The following PSMA6 variants were observed in gnomAD, a reference collection of about 807,000 sequenced individuals.
The protein encoded by PSMA6 is proteasome 20S subunit alpha 6, also known as proteasome subunit alpha type-6.
For synonymous variants in PSMA6, 88 were observed against 97.7 expected (o/e 0.90, Z 0.59); for missense variants, 170 against 294.8 (o/e 0.58, Z 3.10).
intron 1 of PSMA6, among the ~76,000 whole-genome samples, chr14:35,298,107 ATACT>A (rs2051634258): frequency 1.3e-5 from 2 of 152,190 alleles, no homozygotes; most frequent in South Asian, 2.1e-4. Flanking sequence ...GTTCAATCTA[ATACT>A]TAGGTATTTT....
upstream of PSMA6, among the ~76,000 whole-genome samples, chr14:35,291,055 G>A (rs1330044780): frequency 6.6e-6 from 1 of 151,202 alleles, no homozygotes; most frequent in Non-Finnish European, 1.5e-5. Context: ...GCAGTGGCGT[G>A]ATCATAGCTC....
upstream of PSMA6, among the ~76,000 whole-genome samples, chr14:35,291,945 G>C (rs377045928): frequency 2.0e-5 from 3 of 151,948 alleles, no homozygotes; most frequent in African/African-American, 7.2e-5. Context: ...GCTTCCTTCA[G>C]TGCCTAAATT....
chr14:35,281,075 G>T (rs2051361457), intron 1 of PSMA6, among the ~76,000 whole-genome samples: 1 of 152,116 alleles, frequency 6.6e-6, no homozygotes, highest in African/African-American at 2.4e-5. Flanking sequence ...CACCCAGGAA[G>T]CCTCTATTGA....
chr14:35,284,156 A>G (rs540240713), intron 1 of PSMA6, among the ~76,000 whole-genome samples: 17 of 152,176 alleles, frequency 1.1e-4, no homozygotes, highest in African/African-American at 4.1e-4. Flanking sequence ...TTTCATTTGT[A>G]CCCTAATCCA....
At chr14:35,286,718 G>A (rs1201618039) in intron 1 of PSMA6, among the ~76,000 whole-genome samples, 1 of 152,128 alleles carries the variant, frequency 6.6e-6, no homozygotes, top group African/African-American at 2.4e-5. Flanking sequence ...TTATTCTGGG[G>A]AATGGCTGAG....
intron 4 of PSMA6, 99 bp downstream of exon 4, chr14:35,310,994 G>C: frequency 8.1e-7 from 1 of 1,233,574 alleles, no homozygotes; most frequent in Non-Finnish European, 1.1e-6. Context: ...TTCTGAACAT[G>C]TGGTTTGGAA....
Position 35,285,339 on chromosome 14 carries a change from C to CAAAAAAAAAAAAAAA in PSMA6, c.19+6629_19+6630insAAAAAAAAAAAAAAA, listed in dbSNP as rs758651038. 2.6e-4 allele frequency among the ~76,000 whole-genome samples: 14 copies of CAAAAAAAAAAAAAAA among 54,540 alleles called. 1 individual carries two copies. Among genetic ancestry groups the CAAAAAAAAAAAAAAA allele is most frequent in the African/African-American group, 6.7e-4 (14 of 20,808 alleles). The allele number at this position is 54,540 out of a possible 152,430, so 35.8% of individuals were successfully genotyped here. A position where few individuals can be genotyped will look rare whatever the true frequency, so the allele number is the denominator to read the frequency against. ...AGAGTGACAGAGCAAAACTCTATCTCAAAAAAAACAAAAAACAAAAAAAAA... is the reference window on the plus strand; with the variant it reads ...AGAGTGACAGAGCAAAACTCTATCTCAAAAAAAAAAAAAAAAAAAAAAACAAAAAACAAAAAAAAA... On this transcript the variant is annotated intron_variant, in intron 1 of 6. Coordinates refer to the PSMA6 transcript ENST00000540871.
chr14:35,298,546 T>C (rs2051644164), intron 1 of PSMA6, among the ~76,000 whole-genome samples: 1 of 152,010 alleles, frequency 6.6e-6, no homozygotes, highest in Non-Finnish European at 1.5e-5. Context: ...TTGCATAATC[T>C]TGGACATTCA....
At position 35,297,119 on chromosome 14, in the gene PSMA6, G is replaced by GTTTTT. The variant is rs924383407; in HGVS notation, c.76+4590_76+4594dup. The stretch of plus-strand genomic sequence containing the variant: ...GTAGCTTCAAAAAAATCTTAACAAA[G>GTTTTT]TTTTTTTTTTTTTTTTTTTTTTTTT... On this transcript the variant is annotated intron_variant, in intron 1 of 6. Coordinates refer to ENST00000261479, the MANE Select transcript of PSMA6 (RefSeq NM_002791.3). Among the ~76,000 whole-genome samples the GTTTTT allele has an allele frequency of 2.6e-4, 16 of 62,654 alleles. 1 individual carries two copies. Among genetic ancestry groups the GTTTTT allele is most frequent in the Non-Finnish European group, 2.9e-4 (10 of 34,282 alleles). 41.1% of individuals were successfully genotyped at this position (62,654 alleles called of 152,430 possible).
At chr14:35,314,214 T>A (rs1229242527) in intron 5 of PSMA6, 147 bp from the exon 6 acceptor site, 1 of 912,148 alleles carries the variant, frequency 1.1e-6, no homozygotes, top group African/African-American at 1.7e-5. Flanking sequence ...GGCAATACAT[T>A]AGAGTTAAGC....
At chr14:35,283,333 C>T (rs1248908452) in intron 1 of PSMA6, among the ~76,000 whole-genome samples, 1 of 148,856 alleles carries the variant, frequency 6.7e-6, no homozygotes, top group Middle Eastern at 3.2e-3. Context: ...ACGAGACCAG[C>T]CTGGGCAACA....
chr14:35,279,221 A>G (rs1276988870), intron 1 of PSMA6, among the ~76,000 whole-genome samples: 3 of 151,922 alleles, frequency 2.0e-5, no homozygotes, highest in Admixed American at 6.6e-5. Flanking sequence ...CTAATTTTGT[A>G]TTTTTAGTAG....
At position 35,312,996 on chromosome 14, in the gene PSMA6, A is replaced by G. The variant is rs1566563426; in HGVS notation, c.525A>G (p.Ser175=). ...ATAAGVKQTE[S]TSFLEKKVKK... Reference sequence around the variant, plus strand: ...CAGCGGGAGTTAAACAAACTGAGTCAACCAGCTTCCTTGAAAAAAAAGTGA... The same window carrying G: ...CAGCGGGAGTTAAACAAACTGAGTCGACCAGCTTCCTTGAAAAAAAAGTGA... Residue 175 remains serine (S), a synonymous_variant, in exon 5 of 7, where the codon TCA becomes TCG. Coordinates refer to ENST00000261479, the MANE Select transcript of PSMA6 (RefSeq NM_002791.3). 1.3e-6 allele frequency: 2 copies of G among 1,581,806 alleles called. No homozygotes were observed. The highest frequency in any genetic ancestry group is 8.5e-7 in the Non-Finnish European group (1 of 1,171,174).
intron 1 of PSMA6, among the ~76,000 whole-genome samples, chr14:35,294,763 G>A (rs144610187): frequency 6.6e-6 from 1 of 151,764 alleles, no homozygotes; most frequent in Non-Finnish European, 1.5e-5. Context: ...CCTTTTTATG[G>A]GTCCTTCCAT....
intron 1 of PSMA6, among the ~76,000 whole-genome samples, chr14:35,282,560 T>A (rs2051377570): frequency 6.6e-6 from 1 of 152,068 alleles, no homozygotes; most frequent in Admixed American, 6.6e-5. Flanking sequence ...GCACCTAACC[T>A]AAACGTAACT....
rs2051744988 is a variant in PSMA6, at chr14:35,302,960, T to A, written c.77-5034T>A. Among the ~76,000 whole-genome samples the A allele has an allele frequency of 2.0e-5, 3 of 152,240 alleles. 1 individual carries two copies. The South Asian group carries it at 6.2e-4, about 31-fold the overall frequency. On this transcript the variant is annotated intron_variant, in intron 1 of 6. Coordinates refer to ENST00000261479, the MANE Select transcript of PSMA6 (RefSeq NM_002791.3). ...GTTATAATGGTTGTTTTTAATTCTT[T>A]GCTAATACAGCAACATCTGGGTCGT...
At chr14:35,302,768 C>A (rs1175466170) in intron 1 of PSMA6, among the ~76,000 whole-genome samples, 1 of 151,948 alleles carries the variant, frequency 6.6e-6, no homozygotes, top group African/African-American at 2.4e-5. Flanking sequence ...CTCACTCTTT[C>A]CTTTCTCATC....
chr14:35,289,996 G>GACT (rs2051461015), upstream of PSMA6, among the ~76,000 whole-genome samples: 1 of 149,868 alleles, frequency 6.7e-6, no homozygotes, highest in East Asian at 2.0e-4. Context: ...AAGAAATTAA[G>GACT]ACTGCTACAA....
rs573943116 is a variant in PSMA6, at chr14:35,315,916, A to G, written c.684-1333A>G. 5.3e-5 allele frequency: 8 copies of G among 152,312 alleles called. No homozygotes were observed. In the South Asian group the frequency reaches 1.0e-3, roughly 20 times the overall value. The allele number at this position is 152,312 out of a possible 1,614,324, so 9.4% of individuals were successfully genotyped here. A position where few individuals can be genotyped will look rare whatever the true frequency, so the allele number is the denominator to read the frequency against. On this transcript the variant is annotated intron_variant, in intron 6 of 6. Transcript: ENST00000261479. ...TCTGTGATAGTAAATATATGTAAAT[A>G]ATTACAGTACATAGCATAAGCATCA... is the stretch of plus-strand genomic sequence containing the variant.
Sources: gnomAD v4.1 joint callset for allele counts (sites outside exome capture counted in the v4.1 genomes callset) on GRCh38, gnomAD v4.1.1 for gene constraint, MANE v1.5 for transcripts, NCBI Gene and HGNC (gene_info 2026-07-23, HGNC 2026-07-21) for gene names.